The following PRKN variants were observed in gnomAD, a reference collection of about 807,000 sequenced individuals.
PRKN encodes the protein E3 ubiquitin-protein ligase parkin.
Under a neutral mutation model 59.5 loss-of-function variants are expected in PRKN, and 56 were observed. That is an observed-to-expected ratio of 0.94 (90% CI 0.76 to 1.18). The LOEUF (loss-of-function observed/expected upper bound fraction) is 1.18. Among genes scored for constraint, PRKN ranks in the 50% most tolerant of loss-of-function variants. The pLI, the probability that PRKN is intolerant of heterozygous loss-of-function variation, is 0.00. For synonymous variants in PRKN, 250 were observed against 222.1 expected (o/e 1.13, Z -1.12); for missense variants, 657 against 596.4 (o/e 1.10, Z -1.06).
chr6:162,258,222 T>C (rs932908390), intron 3 of PRKN, among the ~76,000 whole-genome samples: 2 of 152,230 alleles, frequency 1.3e-5, no homozygotes, highest in African/African-American at 2.4e-5. Flanking sequence ...ACTTACTAGC[T>C]GCTCCAAATA....
intron 4 of PRKN, among the ~76,000 whole-genome samples, chr6:162,061,152 G>C (rs183816028): frequency 6.6e-6 from 1 of 152,284 alleles, no homozygotes; most frequent in East Asian, 1.9e-4. Context: ...TCCCGAGCTA[G>C]TTGCATGGAC....
rs964538877 is a variant in PRKN at position 161,440,878 on chromosome 6, T to A, written c.1084-54001A>T. On this transcript the variant is annotated intron_variant, in intron 9 of 11. Transcript: ENST00000366898. The surrounding 1 kb of genome is among the most constrained non-coding windows in gnomAD (Gnocchi z 4.1). The stretch of plus-strand genomic sequence containing the variant: ...TCTCTCCAGAATACAAATAAGAGTC[T>A]AATGTGATAAGAGGCTGAACTGAAG... Among the ~76,000 whole-genome samples the A allele has an allele frequency of 2.3e-4, 35 of 152,182 alleles. No individual in the cohort carries two copies. Among genetic ancestry groups the A allele is most frequent in the Non-Finnish European group, 1.3e-4 (9 of 68,034 alleles).
At chr6:161,721,380 T>C (rs1289898094) in intron 7 of PRKN, among the ~76,000 whole-genome samples, 2 of 152,178 alleles carry the variant, frequency 1.3e-5, no homozygotes, top group Non-Finnish European at 2.9e-5. Flanking sequence ...ATAGTTTCTC[T>C]AGCAGGGCAG....
At chr6:162,306,761 G>A (rs1423908092) in intron 2 of PRKN, among the ~76,000 whole-genome samples, 1 of 152,128 alleles carries the variant, frequency 6.6e-6, no homozygotes, top group African/African-American at 2.4e-5. Flanking sequence ...AAACTGAAAT[G>A]ACATGGTTAG....
At chr6:161,786,480 G>A (rs1790425287) in intron 6 of PRKN, among the ~76,000 whole-genome samples, 1 of 151,918 alleles carries the variant, frequency 6.6e-6, no homozygotes, top group Non-Finnish European at 1.5e-5. Flanking sequence ...CTTGTATATA[G>A]TGATTTACTA....
chr6:162,665,853 A>C (rs1299706691), intron 1 of PRKN, among the ~76,000 whole-genome samples: 1 of 152,156 alleles, frequency 6.6e-6, no homozygotes, highest in Non-Finnish European at 1.5e-5. Flanking sequence ...ATGGAGCAGA[A>C]CAGAGACCTC....
chr6:161,623,867 C>T (rs968322655), intron 7 of PRKN, among the ~76,000 whole-genome samples: 3 of 151,908 alleles, frequency 2.0e-5, no homozygotes, highest in Middle Eastern at 3.4e-3. Context: ...CATTTGGTTA[C>T]GGTTAAAAGA....
chr6:161,623,208 A>T (rs1384404880), intron 7 of PRKN, among the ~76,000 whole-genome samples: 1 of 152,232 alleles, frequency 6.6e-6, no homozygotes, highest in Non-Finnish European at 1.5e-5. Context: ...CAGAAGTCTG[A>T]GATATCCCCA....
intron 7 of PRKN, among the ~76,000 whole-genome samples, chr6:161,777,520 A>T (rs567356318): frequency 2.0e-5 from 3 of 151,746 alleles, no homozygotes; most frequent in Non-Finnish European, 4.4e-5. Flanking sequence ...ATCTTATTAC[A>T]CACATCTTGA....
chr6:162,243,871 G>A (rs923342609), intron 3 of PRKN, among the ~76,000 whole-genome samples: 1 of 151,970 alleles, frequency 6.6e-6, no homozygotes, highest in African/African-American at 2.4e-5. Context: ...AATCATGAAG[G>A]ACTGTGGATG....
At chr6:161,408,524 T>C (rs1435442920) in intron 9 of PRKN, among the ~76,000 whole-genome samples, 1 of 151,026 alleles carries the variant, frequency 6.6e-6, no homozygotes. Flanking sequence ...CATTGTCTAA[T>C]GAGTATGTAT....
At chr6:161,569,273 G>C in intron 8 of PRKN, 82 bp downstream of exon 8, 1 of 1,242,182 alleles carries the variant, frequency 8.1e-7, no homozygotes, top group Non-Finnish European at 1.2e-6. Flanking sequence ...AGACATACTC[G>C]GCCTCCCTGG....
chr6:162,692,356 G>T (rs1350584648), intron 1 of PRKN, among the ~76,000 whole-genome samples: 1 of 152,142 alleles, frequency 6.6e-6, no homozygotes, highest in Non-Finnish European at 1.5e-5. Context: ...ACCTCTAAGT[G>T]CTTGGAGTAT....
At chr6:161,644,005 C>T (rs1210974919) in intron 7 of PRKN, among the ~76,000 whole-genome samples, 2 of 151,916 alleles carry the variant, frequency 1.3e-5, no homozygotes, top group African/African-American at 2.4e-5. Context: ...GCCAGAGGAG[C>T]AAGTAAAAAA....
chr6:162,269,416 C>T (rs529673791), intron 2 of PRKN, among the ~76,000 whole-genome samples: 1 of 152,298 alleles, frequency 6.6e-6, no homozygotes, highest in African/African-American at 2.4e-5. Flanking sequence ...AAGTCTGATG[C>T]ATAATTGGGA....
Position 162,430,173 on chromosome 6 carries a change from C to CGACGAT in PRKN, c.171+13136_171+13137insATCGTC, listed in dbSNP as rs1554321779. Among the ~76,000 whole-genome samples, 613 of 150,970 alleles carry CGACGAT rather than the reference C, an allele frequency of 4.1e-3. 9 individuals are homozygous for CGACGAT. Among genetic ancestry groups the CGACGAT allele is most frequent in the South Asian group, 0.028 (131 of 4,728 alleles). ...ATGATGACGATGACGACGACGACGA[C>CGACGAT]GATGATGATGATGATGTTAAAATCA... On this transcript the variant is annotated intron_variant, in intron 2 of 11. Coordinates refer to ENST00000366898, the MANE Select transcript of PRKN (RefSeq NM_004562.3).
At chr6:162,409,314 T>G (rs1446448598) in intron 2 of PRKN, among the ~76,000 whole-genome samples, 1 of 151,906 alleles carries the variant, frequency 6.6e-6, no homozygotes, top group Non-Finnish European at 1.5e-5. Context: ...ACAGGTGTGC[T>G]CTACCATGCC....
At chr6:162,374,234 CACACAGTTTTAA>C (rs1785922661) in intron 2 of PRKN, among the ~76,000 whole-genome samples, 1 of 152,160 alleles carries the variant, frequency 6.6e-6, no homozygotes, top group South Asian at 2.1e-4. Flanking sequence ...TAAACATATT[CACACAGTTTTAA>C]ATTTTATTGG....
chr6:162,477,624 T>A (rs1337204434), intron 1 of PRKN, among the ~76,000 whole-genome samples: 1 of 152,158 alleles, frequency 6.6e-6, no homozygotes, highest in Non-Finnish European at 1.5e-5. Context: ...GATTCCCTTT[T>A]TCCACCTATT....
Sources: gnomAD v4.1 joint callset for allele counts (sites outside exome capture counted in the v4.1 genomes callset) on GRCh38, gnomAD v4.1.1 for gene constraint, Gnocchi (gnomAD v3.1) non-coding constraint, MANE v1.5 for transcripts, NCBI Gene and HGNC (gene_info 2026-07-23, HGNC 2026-07-21) for gene names.